Variants in SAMD12 observed in about 807,000 individuals in gnomAD.
The protein encoded by SAMD12 is sterile alpha motif domain-containing protein 12.
In SAMD12, 9 loss-of-function variants were observed where a neutral mutation model predicts 15.0. The observed-to-expected ratio is 0.60, with a 90% CI of 0.36 to 1.05. The LOEUF (loss-of-function observed/expected upper bound fraction) is 1.05. SAMD12 is among the 50% of genes least tolerant of loss of function. The pLI, the probability that SAMD12 is intolerant of heterozygous loss-of-function variation, is 0.01. For missense variants in SAMD12, 230 were observed against 234.2 expected (o/e 0.98, Z 0.12); for synonymous variants, 86 against 90.1 (o/e 0.96, Z 0.25).
intron 4 of SAMD12, among the ~76,000 whole-genome samples, chr8:118,224,045 C>T (rs1812136370): frequency 2.0e-5 from 3 of 152,140 alleles, no homozygotes; most frequent in African/African-American, 7.2e-5. Context: ...AAAAGTAATT[C>T]TTGTGTTCAT....
chr8:118,146,408 A>T, the SAMD12 span, among the ~76,000 whole-genome samples: 1 of 152,226 alleles, frequency 6.6e-6, no homozygotes. Flanking sequence ...TTCAGGCAGC[A>T]TAACCACATA....
the SAMD12 span, among the ~76,000 whole-genome samples, chr8:118,135,742 C>A: frequency 6.6e-6 from 1 of 151,980 alleles, no homozygotes; most frequent in Non-Finnish European, 1.5e-5. Flanking sequence ...AGGGTTTTGC[C>A]ATGTTGCCCA....
intron 4 of SAMD12, among the ~76,000 whole-genome samples, chr8:118,216,225 G>C (rs1213963445): frequency 6.6e-6 from 1 of 151,546 alleles, no homozygotes; most frequent in Non-Finnish European, 1.5e-5. Flanking sequence ...GTGATGATGA[G>C]CATTTTTTCA....
intron 2 of SAMD12, among the ~76,000 whole-genome samples, chr8:118,525,854 T>C (rs1370731525): frequency 1.3e-5 from 2 of 152,230 alleles, no homozygotes; most frequent in African/African-American, 4.8e-5. Flanking sequence ...AAAGCAACAC[T>C]GTACATGCAT....
At chr8:118,592,094 G>A (rs1563601488) in intron 1 of SAMD12, among the ~76,000 whole-genome samples, 1 of 152,114 alleles carries the variant, frequency 6.6e-6, no homozygotes, top group Non-Finnish European at 1.5e-5. Flanking sequence ...GGCCAAGGTG[G>A]GTGGATCACC....
chr8:118,243,080 A>G (rs113811287), intron 4 of SAMD12, among the ~76,000 whole-genome samples: 45 of 152,264 alleles, frequency 3.0e-4, no homozygotes, highest in African/African-American at 1.1e-3. Flanking sequence ...TGACTAGGGT[A>G]GTAGGTAAGT....
intron 4 of SAMD12, among the ~76,000 whole-genome samples, chr8:118,249,321 C>G (rs1240871166): frequency 6.6e-6 from 1 of 152,156 alleles, no homozygotes; most frequent in African/African-American, 2.4e-5. Flanking sequence ...AGTATATGCA[C>G]ATACTTCCAT....
intron 4 of SAMD12, among the ~76,000 whole-genome samples, chr8:118,283,406 A>G (rs923511231): frequency 6.6e-5 from 10 of 152,182 alleles, no homozygotes; most frequent in Admixed American, 3.3e-4. Flanking sequence ...GGCACTTCTG[A>G]GCTAGTTTTA....
intron 4 of SAMD12, among the ~76,000 whole-genome samples, chr8:118,323,809 A>C (rs1324389383): frequency 6.6e-6 from 1 of 152,098 alleles, no homozygotes; most frequent in East Asian, 1.9e-4. Context: ...TGAGGATAAT[A>C]GTAGCGAGAT....
intron 1 of SAMD12, among the ~76,000 whole-genome samples, chr8:118,592,606 TAG>T (rs1290252433): frequency 6.6e-6 from 1 of 152,238 alleles, no homozygotes; most frequent in African/African-American, 2.4e-5. Context: ...AAGTGGTACA[TAG>T]AAAGTGCTCA....
the SAMD12 span, among the ~76,000 whole-genome samples, chr8:118,160,567 T>C: frequency 1.3e-5 from 2 of 152,196 alleles, no homozygotes; most frequent in African/African-American, 4.8e-5. Context: ...GTCAACTGAT[T>C]TTCCACAAAG....
At chr8:118,281,407 G>T (rs538304864) in intron 4 of SAMD12, among the ~76,000 whole-genome samples, 4 of 149,670 alleles carry the variant, frequency 2.7e-5, no homozygotes, top group Non-Finnish European at 6.0e-5. Context: ...CCATGAGACA[G>T]TGACTGTTTC....
chr8:118,519,525 AC>A (rs1430550263), intron 2 of SAMD12, among the ~76,000 whole-genome samples: 1 of 152,170 alleles, frequency 6.6e-6, no homozygotes, highest in Non-Finnish European at 1.5e-5. Flanking sequence ...CAATATATCT[AC>A]ATCCATTCTA....
At chr8:118,138,110 C>G in the SAMD12 span, among the ~76,000 whole-genome samples, 1 of 152,064 alleles carries the variant, frequency 6.6e-6, no homozygotes, top group Admixed American at 6.5e-5. Flanking sequence ...AAAGTAAAAT[C>G]TGATTTGGGT....
intron 3 of SAMD12, among the ~76,000 whole-genome samples, chr8:118,380,874 A>G (rs1819637339): frequency 6.6e-6 from 1 of 152,198 alleles, no homozygotes. Flanking sequence ...GCTGTTGTAA[A>G]AAACAATTCC....
chr8:118,564,739 T>C (rs3936020), intron 2 of SAMD12, among the ~76,000 whole-genome samples: 65,117 of 152,120 alleles, frequency 0.43, 17,223 homozygotes, highest in Admixed American at 0.62. Context: ...GCTACACTTA[T>C]GGGGCAGTAA....
intron 4 of SAMD12, among the ~76,000 whole-genome samples, chr8:118,274,702 A>G (rs928226961): frequency 3.3e-5 from 5 of 152,222 alleles, no homozygotes; most frequent in African/African-American, 1.2e-4. Flanking sequence ...TAAACTGCAT[A>G]TAAATGGAAT....
chr8:118,523,417 G>C (rs1825446486), intron 2 of SAMD12, among the ~76,000 whole-genome samples: 1 of 152,174 alleles, frequency 6.6e-6, no homozygotes, highest in Non-Finnish European at 1.5e-5. Context: ...ACGGTGTGTA[G>C]TGCTCTCCCT....
At chr8:118,174,399 C>A in the SAMD12 span, among the ~76,000 whole-genome samples, 1 of 152,142 alleles carries the variant, frequency 6.6e-6, no homozygotes, top group Non-Finnish European at 1.5e-5. Context: ...GTGTTCAAGG[C>A]ACCTTTTTCT....
Sources: gnomAD v4.1 joint callset for allele counts (sites outside exome capture counted in the v4.1 genomes callset) on GRCh38, gnomAD v4.1.1 for gene constraint, MANE v1.5 for transcripts, NCBI Gene and HGNC (gene_info 2026-07-23, HGNC 2026-07-21) for gene names.